CCNF: variants seen among roughly 807,000 people sequenced by gnomAD.
The protein encoded by CCNF is cyclin F, also known as cyclin-F.
CCNF carries 30 observed loss-of-function variants against 85.4 expected under a neutral mutation model. That is an observed-to-expected ratio of 0.35 (90% CI 0.26 to 0.48). The LOEUF is 0.48. Ranked by LOEUF, CCNF falls within the 20% of genes least tolerant of loss-of-function variation. CCNF has a pLI of 0.99. For synonymous variants in CCNF, 439 were observed against 425.1 expected (o/e 1.03, Z -0.40); for missense variants, 919 against 1,010.4 (o/e 0.91, Z 1.23).
At position 2,435,806 on chromosome 16, in the gene CCNF, G is replaced by A. The variant is rs770482472; in HGVS notation, c.279G>A (p.Arg93=). Reference sequence around the variant, plus strand: ...ATGCTTTATGTTCTTAATGTTTCAGGGCTGCTGAAAAGGGGAATTTCGAAG... The same window carrying A: ...ATGCTTTATGTTCTTAATGTTTCAGAGCTGCTGAAAAGGGGAATTTCGAAG... ...PSPGNLKLFE[R]AAEKGNFEAA... is the part of the protein sequence containing the mutation. The change falls in exon 4 of 17, where the codon AGG becomes AGA. Residue 93 remains arginine (R), a splice_region_variant and synonymous_variant. Coordinates refer to ENST00000397066, the MANE Select transcript of CCNF (RefSeq NM_001761.3). 11 of 1,612,302 alleles carry A rather than the reference G, an allele frequency of 6.8e-6. No homozygotes were observed. Among genetic ancestry groups the A allele is most frequent in the Non-Finnish European group, 9.3e-6 (11 of 1,178,832 alleles).
In CCNF at chr16:2,442,678, A is replaced by C. The variant is rs866016214; in HGVS notation, c.778-971A>C. 1.6e-4 allele frequency among the ~76,000 whole-genome samples: 3 copies of C among 19,236 alleles called. 1 individual carries two copies. The highest frequency in any genetic ancestry group is 2.0e-4 in the Non-Finnish European group (3 of 14,924). 12.6% of individuals were successfully genotyped at this position (19,236 alleles called of 152,430 possible). A position where few individuals can be genotyped will look rare whatever the true frequency, so the allele number is the denominator to read the frequency against. On this transcript the variant is annotated intron_variant, in intron 8 of 16. Coordinates refer to ENST00000397066, the MANE Select transcript of CCNF (RefSeq NM_001761.3). ...TATATAATATATAATATTATATATA[A>C]TATCATATTATTATATAATAATTAT...
At chr16:2,455,057 CAAAAAAAAAAAAAA>C (rs113432361) in intron 15 of CCNF, among the ~76,000 whole-genome samples, 1 of 47,238 alleles carries the variant, frequency 2.1e-5, no homozygotes, top group Non-Finnish European at 4.4e-5. Flanking sequence ...AAGAACACCT[CAAAAAAAAAAAAAA>C]AAAAAAAAAA....
intron 15 of CCNF, among the ~76,000 whole-genome samples, chr16:2,454,428 AG>A (rs753206686): frequency 2.0e-4 from 30 of 152,146 alleles, no homozygotes; most frequent in Non-Finnish European, 3.2e-4. Context: ...CTACTCCAGG[AG>A]GGGGCCTGGC....
intron 10 of CCNF, among the ~76,000 whole-genome samples, chr16:2,448,069 A>G (rs1361671837): frequency 6.6e-6 from 1 of 152,226 alleles, no homozygotes; most frequent in African/African-American, 2.4e-5. Context: ...CTGGTTGACA[A>G]CAGAGAACAG....
chr16:2,444,422 C>T (rs1239131389), intron 9 of CCNF, among the ~76,000 whole-genome samples: 1 of 151,188 alleles, frequency 6.6e-6, no homozygotes, highest in Non-Finnish European at 1.5e-5. Flanking sequence ...GCCTCAGCCT[C>T]CTCAGGAGCT....
chr16:2,439,398 G>GAC lies in CCNF; in HGVS notation c.640_641insAC (p.Ala214AspfsTer7), dbSNP rs1277760192. The GAC allele has an allele frequency of 6.2e-7, 1 of 1,610,552 alleles. No individual in the cohort carries two copies. The highest frequency in any genetic ancestry group is 8.5e-7 in the Non-Finnish European group (1 of 1,178,890). On this transcript the variant is annotated frameshift_variant, in exon 7 of 17. Transcript: ENST00000397066. LOFTEE classifies it high-confidence loss of function. The stretch of plus-strand genomic sequence containing the variant: ...GGCCCATGACCTGTTTGAGGAGGCT[G>GAC]CTCATCAGGGATGTCTGACCAGCTC...
In CCNF at chr16:2,437,235, C is replaced by G. The variant is rs775747522; in HGVS notation, c.453C>G (p.Leu151=). 8.2e-5 allele frequency: 132 copies of G among 1,612,646 alleles called. No individual in the cohort carries two copies. The highest frequency in any genetic ancestry group is 1.1e-4 in the Non-Finnish European group (126 of 1,179,586). Residue 151 remains leucine, a synonymous_variant, in exon 5 of 17, where the codon CTC becomes CTG. Coordinates refer to ENST00000397066, the MANE Select transcript of CCNF (RefSeq NM_001761.3). ...TGGGTGCCGCACCTTTCATCTGGCT[C>G]TTCATCCGCCCTCCGTGGTCGGTGA... ...LNVGAAPFIW[L]FIRPPWSVSG...
At chr16:2,435,978 C>G in intron 4 of CCNF, 105 bp downstream of exon 4, 1 of 748,560 alleles carries the variant, frequency 1.3e-6, no homozygotes, top group African/African-American at 1.7e-5. Context: ...TGTCCTTGCT[C>G]TATCCGATGG....
At chr16:2,443,870 T>G in intron 9 of CCNF, 70 bp downstream of exon 9, 3 of 1,486,306 alleles carry the variant, frequency 2.0e-6, no homozygotes, top group Non-Finnish European at 2.8e-6. Context: ...AGGGAGCCCT[T>G]TCCACTTAAC....
Position 2,458,033 on chromosome 16 carries a change from G to A in CCNF, c.*1013G>A, listed in dbSNP as rs958059294. 5 of 152,230 alleles carry A rather than the reference G, an allele frequency of 3.3e-5. No individual in the cohort carries two copies. Among genetic ancestry groups the A allele is most frequent in the African/African-American group, 1.2e-4 (5 of 41,436 alleles). The allele number at this position is 152,230 out of a possible 1,614,324, so 9.4% of individuals were successfully genotyped here. The stretch of plus-strand genomic sequence containing the variant: ...CTGCTGTGGGGGCCCGTGGGAGGGA[G>A]GCAGACCCCTGGGCTTTCCTGCTGG... On this transcript the variant is annotated 3_prime_UTR_variant, in exon 17 of 17. Transcript: ENST00000397066.
chr16:2,447,534 A>T (rs1458544607), intron 10 of CCNF, among the ~76,000 whole-genome samples: 1 of 152,112 alleles, frequency 6.6e-6, no homozygotes, highest in South Asian at 2.1e-4. Context: ...CAGTGAGCCA[A>T]GATTACACCA....
In CCNF at chr16:2,453,751, C is replaced by G. The variant is rs1319475786; in HGVS notation, c.1715+214C>G. On this transcript the variant is annotated intron_variant, in intron 15 of 16. Transcript: ENST00000397066. This position sits in a 1 kb window ranked among gnomAD's most constrained non-coding sequence, Gnocchi z 5.6. ...CAGCCCAGGTCTCCTTCCTCAGAGG[C>G]TATTGCCTCTCGCTCTGACTGGGCT... 3.9e-5 allele frequency among the ~76,000 whole-genome samples: 6 copies of G among 152,206 alleles called. No homozygotes were observed. The highest frequency in any genetic ancestry group is 8.8e-5 in the Non-Finnish European group (6 of 68,038).
chr16:2,439,883 G>A lies in CCNF; in HGVS notation c.777+57G>A, dbSNP rs1354658049. On this transcript the variant is annotated intron_variant, in intron 8 of 16. Transcript: ENST00000397066. ...CTGGCCTTTCTCCCTCCAGCCTTGG[G>A]GCAGGACTATCTGGGCTCCCACATT... 3.4e-6 allele frequency: 5 copies of A among 1,479,760 alleles called. No individual in the cohort carries two copies. The East Asian group carries it at 1.1e-4, about 34-fold the overall frequency. The allele number at this position is 1,479,760 out of a possible 1,614,324, so 91.7% of individuals were successfully genotyped here.
At chr16:2,455,853 G>T (rs1422649693) in intron 16 of CCNF, among the ~76,000 whole-genome samples, 1 of 152,230 alleles carries the variant, frequency 6.6e-6, no homozygotes, top group Non-Finnish European at 1.5e-5. Flanking sequence ...ACTAGGATGA[G>T]GGAGGCAGAG....
intron 5 of CCNF, 58 bp from the exon 6 acceptor site, chr16:2,438,012 G>A: frequency 8.4e-7 from 1 of 1,195,324 alleles, no homozygotes; most frequent in Middle Eastern, 1.9e-4. Flanking sequence ...CAAGGGAGTG[G>A]TGGCCCCCGG....
rs751730272 is a variant in CCNF at position 2,456,549 on chromosome 16, A to G, written c.1890A>G (p.Thr630=). The part of the protein sequence containing the change: ...ESEGEKEGDV[T]APSGILDVTV... ...TCCCCACCAACCTTCCTGCAGTGAC[A>G]GCTCCCAGCGGCATCCTCGATGTCA... The change falls in exon 17 of 17, where the codon ACA becomes ACG. Residue 630 remains threonine (T), a synonymous_variant. Coordinates refer to ENST00000397066, the MANE Select transcript of CCNF (RefSeq NM_001761.3). The surrounding 1 kb of genome is among the most constrained non-coding windows in gnomAD (Gnocchi z 4.5). The G allele has an allele frequency of 5.4e-5, 83 of 1,529,890 alleles. No individual in the cohort carries two copies. Among genetic ancestry groups the G allele is most frequent in the Non-Finnish European group, 7.2e-5 (82 of 1,139,578 alleles). The allele number at this position is 1,529,890 out of a possible 1,614,324, so 94.8% of individuals were successfully genotyped here.
intron 10 of CCNF, among the ~76,000 whole-genome samples, chr16:2,447,886 A>G (rs1469531722): frequency 1.3e-5 from 2 of 152,138 alleles, no homozygotes; most frequent in Admixed American, 6.5e-5. Context: ...TGGCGTCTGC[A>G]GCCCCCACGC....
At position 2,455,551 on chromosome 16, in the gene CCNF, G is replaced by C; in HGVS notation, c.1872G>C (p.Glu624Asp). ...GYEGDQESEG[E>D]KEGDVTAPSG... ...AAGGCGACCAGGAGAGTGAGGGCGAGAAGGAGGGCGACGGTGAGTGTGGGG... is the reference window on the plus strand; with the variant it reads ...AAGGCGACCAGGAGAGTGAGGGCGACAAGGAGGGCGACGGTGAGTGTGGGG... Residue 624 changes from glutamate (E) to aspartate (D), a missense_variant, in exon 16 of 17, where the codon GAG becomes GAC. Around this residue, in one of 3 missense-constraint regions of CCNF, gnomAD observed 505 missense variants for 514.8 expected, o/e 0.98. Coordinates refer to ENST00000397066, the MANE Select transcript of CCNF (RefSeq NM_001761.3). The C allele has an allele frequency of 6.3e-7, 1 of 1,596,300 alleles. No homozygotes were observed. Among genetic ancestry groups the C allele is most frequent in the South Asian group, 1.1e-5 (1 of 90,494 alleles).
chr16:2,443,978 G>GGC (rs1371251429), intron 9 of CCNF, among the ~76,000 whole-genome samples, 178 bp downstream of exon 9: 1 of 150,310 alleles, frequency 6.7e-6, no homozygotes, highest in African/African-American at 2.5e-5. Context: ...GGAGTGCAGT[G>GGC]GCGCGATCTC....
Sources: allele counts gnomAD v4.1 joint callset (sites outside exome capture counted in the v4.1 genomes callset), GRCh38; gene constraint gnomAD v4.1.1; regional missense constraint gnomAD v4.1.1; non-coding constraint Gnocchi (gnomAD v3.1); transcripts MANE v1.5; gene names NCBI Gene and HGNC (gene_info 2026-07-23, HGNC 2026-07-21).